The following SMCP variants were observed in gnomAD, a reference collection of about 807,000 sequenced individuals.
SMCP encodes the protein sperm mitochondria associated cysteine rich protein, also known as sperm mitochondrial-associated cysteine-rich protein.
For synonymous variants in SMCP, 41 were observed against 46.9 expected (o/e 0.87, Z 0.51); for missense variants, 137 against 137.1 (o/e 1.00, Z 0.01).
chr1:152,884,478 G>C lies in SMCP; in HGVS notation c.56G>C (p.Cys19Ser), dbSNP rs1419078426. 1 of 1,613,958 alleles carries C rather than the reference G, an allele frequency of 6.2e-7. No individual in the cohort carries two copies. Among genetic ancestry groups the C allele is most frequent in the East Asian group, 2.2e-5 (1 of 44,884 alleles). ...TGCCCAGCAAAAGGCAATCAATGCT[G>C]CCCACCACAGCAGAACCAGTGCTGC... Reference protein sequence around the residue: ...KCCPAKGNQCCPPQQNQCCQS... With the variant: ...KCCPAKGNQCSPPQQNQCCQS... The change falls in exon 2 of 2, where the codon TGC (cysteine) becomes TCC (serine). Residue 19 changes from cysteine (C) to serine (S), a missense_variant. Coordinates refer to ENST00000368765, the MANE Select transcript of SMCP (RefSeq NM_030663.3).
At chr1:152,880,248 A>G (rs1648992056) in intron 1 of SMCP, among the ~76,000 whole-genome samples, 1 of 152,108 alleles carries the variant, frequency 6.6e-6, no homozygotes, top group Admixed American at 6.5e-5. Context: ...CCTCTAAGGG[A>G]GCAGATTCAA....
In SMCP at chr1:152,884,543, C is replaced by G. The variant is rs1333302453; in HGVS notation, c.121C>G (p.Gln41Glu). 1.2e-6 allele frequency: 2 copies of G among 1,614,024 alleles called. No homozygotes were observed. The highest frequency in any genetic ancestry group is 3.3e-5 in the Admixed American group (2 of 60,010). Residue 41 changes from glutamine (Q) to glutamate (E), a missense_variant, in exon 2 of 2, where the codon CAG becomes GAG. By Grantham distance (29) the Gln-to-Glu change is conservative. Transcript: ENST00000368765. The stretch of plus-strand genomic sequence containing the variant: ...TCAATGCTGCCCACCAAAACAGAAC[C>G]AGTGCTGCCAGCCAAAAGGCAGTCA... The part of the protein sequence containing the change: ...GNQCCPPKQN[Q>E]CCQPKGSQCC...
rs756948962 is a variant in SMCP at position 152,885,035 on chromosome 1, G to A, written c.*262G>A. The A allele has an allele frequency of 6.3e-6, 3 of 475,580 alleles. No homozygotes were observed. The highest frequency in any genetic ancestry group is 1.9e-5 in the African/African-American group (1 of 51,352). The allele number at this position is 475,580 out of a possible 1,614,324, so 29.5% of individuals were successfully genotyped here. On this transcript the variant is annotated 3_prime_UTR_variant, in exon 2 of 2. Transcript: ENST00000368765. ...CATTTAGACAGCACAGAAATAAAGA[G>A]CAATAAAAAGAACATTGCCTCCGTT...
At chr1:152,883,451 G>A (rs1377569218) in intron 1 of SMCP, among the ~76,000 whole-genome samples, 1 of 152,230 alleles carries the variant, frequency 6.6e-6, no homozygotes, top group African/African-American at 2.4e-5. Context: ...TTCTCCAGGG[G>A]CTGCATACCT....
Position 152,884,900 on chromosome 1 carries a change from C to T in SMCP, c.*127C>T, listed in dbSNP as rs897243484. ...GCAGTTTTCACAGTGACTACCATTT[C>T]CACCCAATGAGAGGCTCCTATTTCC... is the stretch of plus-strand genomic sequence containing the variant. On this transcript the variant is annotated 3_prime_UTR_variant, in exon 2 of 2. Transcript: ENST00000368765. The T allele has an allele frequency of 1.2e-6, 1 of 807,636 alleles. No individual in the cohort carries two copies. Among genetic ancestry groups the T allele is most frequent in the South Asian group, 1.9e-5 (1 of 53,920 alleles). 50.0% of individuals were successfully genotyped at this position (807,636 alleles called of 1,614,324 possible).
chr1:152,883,261 G>C (rs1326521178), intron 1 of SMCP, among the ~76,000 whole-genome samples: 1 of 152,160 alleles, frequency 6.6e-6, no homozygotes, highest in South Asian at 2.1e-4. Flanking sequence ...TCCACAGAGG[G>C]GGTACAGGCT....
rs773316444 is a variant in SMCP at position 152,884,622 on chromosome 1, T to A, written c.200T>A (p.Ile67Asn). 1 of 1,614,118 alleles carries A rather than the reference T, an allele frequency of 6.2e-7. No individual in the cohort carries two copies. The highest frequency in any genetic ancestry group is 1.1e-5 in the South Asian group (1 of 91,070). The change falls in exon 2 of 2, where the codon ATT (isoleucine) becomes AAT (asparagine). Residue 67 changes from isoleucine (I) to asparagine (N), a missense_variant. Ile to Asn is a moderately radical substitution (Grantham distance 149, BLOSUM62 -3). Transcript: ENST00000368765. ...HCCQPKPPCC[I>N]QARCCGLETK... Reference sequence around the variant, plus strand: ...TGCCAGCCAAAACCCCCATGCTGCATTCAGGCCAGGTGCTGTGGTTTGGAG... The same window carrying A: ...TGCCAGCCAAAACCCCCATGCTGCAATCAGGCCAGGTGCTGTGGTTTGGAG...
chr1:152,879,978 T>C (rs1570899831), intron 1 of SMCP, among the ~76,000 whole-genome samples: 1 of 152,052 alleles, frequency 6.6e-6, no homozygotes, highest in African/African-American at 2.4e-5. Context: ...AGATGGACAC[T>C]AACAAACTGG....
intron 1 of SMCP, among the ~76,000 whole-genome samples, chr1:152,882,278 A>G (rs369018872): frequency 1.3e-5 from 2 of 152,130 alleles, no homozygotes; most frequent in East Asian, 3.9e-4. Context: ...GCCCTCCCCC[A>G]GAAAGACTTT....
chr1:152,882,957 T>G (rs528419561), intron 1 of SMCP, among the ~76,000 whole-genome samples: 104 of 152,296 alleles, frequency 6.8e-4, no homozygotes, highest in African/African-American at 2.5e-3. Context: ...GGCAGGAGAA[T>G]CGCTTGAACC....
chr1:152,884,711 A>C lies in SMCP; in HGVS notation c.289A>C (p.Lys97Gln), dbSNP rs1649163836. Residue 97 changes from lysine (K) to glutamine (Q), a missense_variant, in exon 2 of 2, where the codon AAG (lysine) becomes CAG (glutamine). By Grantham distance (53) the Lys-to-Gln change is moderately conservative. Coordinates refer to ENST00000368765, the MANE Select transcript of SMCP (RefSeq NM_030663.3). ...GCCCAACTCACCGCAAACTCAGGAC[A>C]AGGGCTGTCAAACCCAGCAGCAGCC... ...SEPNSPQTQD[K>Q]GCQTQQQPHS... 6.2e-7 allele frequency: 1 copy of C among 1,614,248 alleles called. No homozygotes were observed. The highest frequency in any genetic ancestry group is 8.5e-7 in the Non-Finnish European group (1 of 1,180,048).
intron 1 of SMCP, among the ~76,000 whole-genome samples, chr1:152,882,523 A>G (rs1160081389): frequency 1.4e-4 from 22 of 152,180 alleles, no homozygotes; most frequent in Non-Finnish European, 1.0e-4. Flanking sequence ...AGCTATTCAC[A>G]CTGGCTCTAA....
chr1:152,882,115 A>T (rs1649072079), intron 1 of SMCP, among the ~76,000 whole-genome samples: 1 of 152,130 alleles, frequency 6.6e-6, no homozygotes, highest in Admixed American at 6.5e-5. Context: ...ATCTGGGATT[A>T]CAGGCACCTG....
chr1:152,884,226 A>G (rs1649136740), intron 1 of SMCP, among the ~76,000 whole-genome samples, 177 bp from the exon 2 acceptor site: 4 of 152,200 alleles, frequency 2.6e-5, no homozygotes, highest in African/African-American at 7.2e-5. Context: ...ACACACTGGC[A>G]TATGCAAAGG....
At position 152,884,629 on chromosome 1, in the gene SMCP, C is replaced by G. The variant is rs890141343; in HGVS notation, c.207C>G (p.Ala69=). ...CAAAACCCCCATGCTGCATTCAGGC[C>G]AGGTGCTGTGGTTTGGAGACCAAGC... is the stretch of plus-strand genomic sequence containing the variant. ...CQPKPPCCIQ[A]RCCGLETKPE... The change falls in exon 2 of 2, where the codon GCC becomes GCG. Residue 69 remains alanine (A), a synonymous_variant. Coordinates refer to ENST00000368765, the MANE Select transcript of SMCP (RefSeq NM_030663.3). 1.9e-6 allele frequency: 3 copies of G among 1,614,184 alleles called. No homozygotes were observed. The highest frequency in any genetic ancestry group is 2.5e-6 in the Non-Finnish European group (3 of 1,180,034).
intron 1 of SMCP, among the ~76,000 whole-genome samples, chr1:152,880,208 G>A (rs752803890): frequency 3.9e-5 from 6 of 152,080 alleles, no homozygotes; most frequent in Admixed American, 1.3e-4. Flanking sequence ...CTCCTCCCTC[G>A]TCCCTCTCAA....
At chr1:152,883,062 A>G (rs997398308) in intron 1 of SMCP, among the ~76,000 whole-genome samples, 3 of 152,076 alleles carry the variant, frequency 2.0e-5, no homozygotes, top group Admixed American at 1.3e-4. Context: ...CAAAAACAAA[A>G]ACAAAGAACC....
chr1:152,883,895 A>G (rs1649128139), intron 1 of SMCP, among the ~76,000 whole-genome samples: 1 of 152,234 alleles, frequency 6.6e-6, no homozygotes, highest in Non-Finnish European at 1.5e-5. Flanking sequence ...ACCTGGGTCC[A>G]TGGGTGCCAC....
At chr1:152,883,422 G>A (rs1649114507) in intron 1 of SMCP, among the ~76,000 whole-genome samples, 1 of 152,234 alleles carries the variant, frequency 6.6e-6, no homozygotes, top group South Asian at 2.1e-4. Context: ...GAGGGACCAG[G>A]GCGGAAACCA....
Sources: allele counts gnomAD v4.1 joint callset (sites outside exome capture counted in the v4.1 genomes callset), GRCh38; gene constraint gnomAD v4.1.1; transcripts MANE v1.5; gene names NCBI Gene and HGNC (gene_info 2026-07-23, HGNC 2026-07-21).